The following PRKCE variants were observed in gnomAD, a reference collection of about 807,000 sequenced individuals.
The protein encoded by PRKCE is protein kinase C epsilon.
PRKCE carries 16 observed loss-of-function variants against 85.4 expected under a neutral mutation model. The observed-to-expected ratio is 0.19, with a 90% CI of 0.13 to 0.28. The LOEUF (loss-of-function observed/expected upper bound fraction) is 0.28. Among genes scored for constraint, PRKCE ranks in the 10% least tolerant of loss-of-function variants. The pLI is 1.00. For missense variants in PRKCE, 573 were observed against 975.2 expected, an observed-to-expected ratio of 0.59 and a Z score of 5.49; for synonymous variants, 388 against 371.5, an observed-to-expected ratio of 1.04 and a Z score of -0.51.
intron 10 of PRKCE, among the ~76,000 whole-genome samples, chr2:46,064,021 C>A (rs1387112582): frequency 6.6e-6 from 1 of 152,140 alleles, no homozygotes; most frequent in Non-Finnish European, 1.5e-5. Context: ...GTGGCTCACA[C>A]CTGTAATCCC....
chr2:46,120,941 G>A (rs778563976), intron 11 of PRKCE, among the ~76,000 whole-genome samples: 6 of 152,246 alleles, frequency 3.9e-5, no homozygotes, highest in South Asian at 4.2e-4. Context: ...CAGCTGTTAC[G>A]TTTGTTCACC....
chr2:45,781,458 G>A (rs1396867565), intron 1 of PRKCE, among the ~76,000 whole-genome samples: 3 of 152,136 alleles, frequency 2.0e-5, no homozygotes, highest in Non-Finnish European at 2.9e-5. Context: ...TCTTTGATTA[G>A]TCTCCCCTCC....
chr2:46,119,374 C>G (rs1228571585), intron 11 of PRKCE, among the ~76,000 whole-genome samples: 1 of 151,790 alleles, frequency 6.6e-6, no homozygotes, highest in African/African-American at 2.4e-5. Context: ...GCATTCTTTA[C>G]TCTAGCTAAA....
At position 46,154,679 on chromosome 2, in the gene PRKCE, C is replaced by T. The variant is rs1046138006; in HGVS notation, c.1920+3450C>T. On this transcript the variant is annotated intron_variant, in intron 13 of 14. Transcript: ENST00000306156. ...CTTTGCTACCCCTTTCTCCTGCTGC[C>T]CTCTTAGTGCCAACATTTTCATAGG... Among the ~76,000 whole-genome samples, 5 of 152,092 alleles carry T rather than the reference C, an allele frequency of 3.3e-5. No individual in the cohort carries two copies. In the South Asian group the frequency reaches 8.3e-4, roughly 25 times the overall value.
chr2:45,870,843 G>C (rs1012089071), intron 2 of PRKCE, among the ~76,000 whole-genome samples: 6 of 152,202 alleles, frequency 3.9e-5, no homozygotes. Flanking sequence ...GGTGAGTAAC[G>C]TACTGGGCAC....
chr2:45,986,389 G>A (rs1384831301), intron 6 of PRKCE, among the ~76,000 whole-genome samples: 1 of 152,136 alleles, frequency 6.6e-6, no homozygotes, highest in East Asian at 1.9e-4. Context: ...GAAGGGAGAG[G>A]GGACTGACTG....
Position 46,136,363 on chromosome 2 carries a change from A to T in PRKCE, c.1593-8730A>T, listed in dbSNP as rs545920822. Among the ~76,000 whole-genome samples, 22 of 152,338 alleles carry T rather than the reference A, an allele frequency of 1.4e-4. No individual in the cohort carries two copies. The South Asian group carries it at 4.6e-3, about 32-fold the overall frequency. ...CGCTTTGCTAGATGCTGTATGGTTT[A>T]CAGAAGGAGAGTTTTCTGGCTGTTA... On this transcript the variant is annotated intron_variant, in intron 11 of 14. Coordinates refer to ENST00000306156, the MANE Select transcript of PRKCE (RefSeq NM_005400.3).
chr2:45,742,020 C>CT (rs1682620644), intron 1 of PRKCE, among the ~76,000 whole-genome samples: 1 of 152,134 alleles, frequency 6.6e-6, no homozygotes, highest in African/African-American at 2.4e-5. Flanking sequence ...TGTGTTCTTG[C>CT]TTCCAGGTGC....
chr2:45,739,993 A>T (rs1420569065), intron 1 of PRKCE, among the ~76,000 whole-genome samples: 1 of 152,182 alleles, frequency 6.6e-6, no homozygotes, highest in African/African-American at 2.4e-5. Context: ...CAAGAACAAG[A>T]AACCACAAAG....
At chr2:45,862,242 G>A (rs1364756475) in intron 2 of PRKCE, among the ~76,000 whole-genome samples, 1 of 149,302 alleles carries the variant, frequency 6.7e-6, no homozygotes, top group Non-Finnish European at 1.5e-5. Context: ...TTTCAAATCT[G>A]TTACTCTGAA....
chr2:46,145,859 C>G lies in PRKCE; in HGVS notation c.1731+628C>G, dbSNP rs1676021755. On this transcript the variant is annotated intron_variant, in intron 12 of 14. Coordinates refer to ENST00000306156, the MANE Select transcript of PRKCE (RefSeq NM_005400.3). The surrounding 1 kb of genome is among the most constrained non-coding windows in gnomAD (Gnocchi z 4.6). ...CTCCAGCCTGGGTGACAGAGCAAGA[C>G]CCTGTCTCAATAAAAAAAAAAGTAA... is the stretch of plus-strand genomic sequence containing the variant. Among the ~76,000 whole-genome samples the G allele has an allele frequency of 6.6e-6, 1 of 151,962 alleles. No homozygotes were observed. Among genetic ancestry groups the G allele is most frequent in the African/African-American group, 2.4e-5 (1 of 41,362 alleles).
Position 45,907,719 on chromosome 2 carries a change from T to C in PRKCE, c.412+64656T>C, listed in dbSNP as rs1697088242. Among the ~76,000 whole-genome samples the C allele has an allele frequency of 6.6e-6, 1 of 152,200 alleles. No homozygotes were observed. The highest frequency in any genetic ancestry group is 2.1e-4 in the South Asian group (1 of 4,832). ...AAGGCCAAGTGGAGCACAGCACCAC[T>C]GCGCAGCTGTAGTACCTGAGGGCGT... On this transcript the variant is annotated intron_variant, in intron 2 of 14. Coordinates refer to ENST00000306156, the MANE Select transcript of PRKCE (RefSeq NM_005400.3). This position sits in a 1 kb window ranked among gnomAD's most constrained non-coding sequence, Gnocchi z 4.5.
chr2:46,140,140 A>G (rs1056268542), intron 11 of PRKCE, among the ~76,000 whole-genome samples: 3 of 152,218 alleles, frequency 2.0e-5, no homozygotes, highest in African/African-American at 7.2e-5. Context: ...AAGTTAATTT[A>G]TAACTTTAAA....
chr2:45,868,039 A>G (rs1573672615), intron 2 of PRKCE, among the ~76,000 whole-genome samples: 1 of 151,990 alleles, frequency 6.6e-6, no homozygotes, highest in Admixed American at 6.6e-5. Flanking sequence ...ATGGCCCCAC[A>G]TGGTCACAGC....
intron 14 of PRKCE, among the ~76,000 whole-genome samples, chr2:46,161,514 A>T (rs1176363491): frequency 6.6e-6 from 1 of 152,086 alleles, no homozygotes; most frequent in Non-Finnish European, 1.5e-5. Context: ...ACATTAAACC[A>T]GGCTTATGGA....
rs532587758 is a variant in PRKCE at position 45,666,437 on chromosome 2, G to C, written c.348+13989G>C. 3.7e-4 allele frequency among the ~76,000 whole-genome samples: 56 copies of C among 151,682 alleles called. 1 individual carries two copies. The highest frequency in any genetic ancestry group is 1.3e-3 in the African/African-American group (53 of 41,302). ...GGCCCTGTGTGGTTTGCACCTCCCCGGCTTCCATTTTCTGCCAGGTGGATC... is the reference window on the plus strand; with the variant it reads ...GGCCCTGTGTGGTTTGCACCTCCCCCGCTTCCATTTTCTGCCAGGTGGATC... On this transcript the variant is annotated intron_variant, in intron 1 of 14. Transcript: ENST00000306156.
intron 1 of PRKCE, among the ~76,000 whole-genome samples, chr2:45,673,260 C>G (rs1319038052): frequency 2.6e-5 from 4 of 152,108 alleles, no homozygotes; most frequent in Admixed American, 6.5e-5. Flanking sequence ...AAAATGTGTT[C>G]CAAACAATAT....
intron 10 of PRKCE, among the ~76,000 whole-genome samples, chr2:46,083,113 A>G (rs544890273): frequency 6.6e-6 from 1 of 152,228 alleles, no homozygotes; most frequent in East Asian, 1.9e-4. Flanking sequence ...CACCATGCCC[A>G]GCTAATTTTG....
At chr2:45,810,324 A>G (rs1688565667) in intron 1 of PRKCE, among the ~76,000 whole-genome samples, 1 of 152,068 alleles carries the variant, frequency 6.6e-6, no homozygotes, top group Admixed American at 6.5e-5. Flanking sequence ...TACAGGCGTG[A>G]ACCACCGCGC....
Sources: gnomAD v4.1 joint callset for allele counts (sites outside exome capture counted in the v4.1 genomes callset) on GRCh38, gnomAD v4.1.1 for gene constraint, Gnocchi (gnomAD v3.1) non-coding constraint, MANE v1.5 for transcripts, NCBI Gene and HGNC (gene_info 2026-07-23, HGNC 2026-07-21) for gene names.